The following SMARCC1 variants were observed in gnomAD, a reference collection of about 807,000 sequenced individuals.
SMARCC1 encodes the protein SWI/SNF related BAF chromatin remodeling complex subunit C1, also known as SWI/SNF complex subunit SMARCC1.
In SMARCC1, 43 loss-of-function variants were observed where a neutral mutation model predicts 147.4. The observed-to-expected ratio is 0.29, with a 90% CI of 0.23 to 0.38. The LOEUF (loss-of-function observed/expected upper bound fraction) is 0.38. SMARCC1 is among the 10% of genes least tolerant of loss of function. SMARCC1 has a pLI of 1.00. For synonymous variants in SMARCC1, 495 were observed against 484.4 expected (o/e 1.02, Z -0.29); for missense variants, 1,119 against 1,381.1 (o/e 0.81, Z 3.01).
intron 21 of SMARCC1, among the ~76,000 whole-genome samples, chr3:47,646,173 AAT>A (rs1310938810): frequency 1.3e-5 from 2 of 152,234 alleles, no homozygotes; most frequent in Non-Finnish European, 2.9e-5. Flanking sequence ...TAAATAATTT[AAT>A]AGTTTGTTGT....
intron 21 of SMARCC1, among the ~76,000 whole-genome samples, chr3:47,647,544 A>G (rs2033134206): frequency 6.6e-6 from 1 of 152,204 alleles, no homozygotes; most frequent in Admixed American, 6.5e-5. Flanking sequence ...TGTATAGCAA[A>G]CATCAACAGA....
At chr3:47,724,331 T>C (rs1478769223) in intron 6 of SMARCC1, among the ~76,000 whole-genome samples, 1 of 152,180 alleles carries the variant, frequency 6.6e-6, no homozygotes, top group Non-Finnish European at 1.5e-5. Context: ...TGCTATGACA[T>C]GAATGAACAA....
At chr3:47,780,338 A>C (rs1403395463) in intron 1 of SMARCC1, among the ~76,000 whole-genome samples, 1 of 151,676 alleles carries the variant, frequency 6.6e-6, no homozygotes. Flanking sequence ...CACCCGACTA[A>C]TTTTGTATTT....
intron 3 of SMARCC1, among the ~76,000 whole-genome samples, chr3:47,741,153 C>T (rs922950036): frequency 3.3e-5 from 5 of 151,912 alleles, no homozygotes; most frequent in Admixed American, 1.3e-4. Context: ...TCTAATAAAA[C>T]ATGGACAATC....
At chr3:47,638,414 A>G (rs2106706298) in intron 22 of SMARCC1, among the ~76,000 whole-genome samples, 1 of 152,258 alleles carries the variant, frequency 6.6e-6, no homozygotes, top group East Asian at 1.9e-4. Context: ...TTTTGTATTC[A>G]TAGTCCCAAC....
At chr3:47,598,594 C>A (rs2032336123) in intron 26 of SMARCC1, among the ~76,000 whole-genome samples, 1 of 151,964 alleles carries the variant, frequency 6.6e-6, no homozygotes, top group African/African-American at 2.4e-5. Context: ...CTTTGGGAGG[C>A]TGAGGTGGGT....
rs140035331 is a variant in SMARCC1 at position 47,622,267 on chromosome 3, T to A, written c.2721A>T (p.Leu907=). Residue 907 remains leucine (L), a synonymous_variant, in exon 25 of 28, where the codon CTA becomes CTT. Coordinates refer to ENST00000254480, the MANE Select transcript of SMARCC1 (RefSeq NM_003074.4). ...CTTCAAAATGTCGAAGTTTGATCTC[T>A]AGTTTCTTCATTTGTGTCTCAACCA... The part of the protein sequence containing the change: ...ALLVETQMKK[L]EIKLRHFEEL... 15 of 1,605,916 alleles carry A rather than the reference T, an allele frequency of 9.3e-6. No individual in the cohort carries two copies. The highest frequency in any genetic ancestry group is 1.2e-5 in the Non-Finnish European group (14 of 1,177,778).
chr3:47,604,332 T>C (rs759839252), intron 26 of SMARCC1: 4 of 455,326 alleles, frequency 8.8e-6, no homozygotes, highest in Admixed American at 4.7e-5. Context: ...CTCTCAGCAC[T>C]TCCCCAACCT....
chr3:47,617,784 C>T (rs2032666580), intron 25 of SMARCC1, among the ~76,000 whole-genome samples: 1 of 152,160 alleles, frequency 6.6e-6, no homozygotes, highest in Admixed American at 6.5e-5. Context: ...TGGTTGCCAA[C>T]GATCCTGCTT....
At chr3:47,776,828 A>G (rs2034980503) in intron 1 of SMARCC1, among the ~76,000 whole-genome samples, 1 of 151,892 alleles carries the variant, frequency 6.6e-6, no homozygotes, top group Admixed American at 6.6e-5. Context: ...AGGCTGAAGT[A>G]AAATGGCGCG....
chr3:47,779,005 C>G (rs1230863101), intron 1 of SMARCC1, among the ~76,000 whole-genome samples: 1 of 139,758 alleles, frequency 7.2e-6, no homozygotes, highest in Non-Finnish European at 1.6e-5. Flanking sequence ...AAAGAAAATT[C>G]CTAAATGAAG....
At chr3:47,666,551 G>A (rs1476669403) in intron 19 of SMARCC1, among the ~76,000 whole-genome samples, 1 of 149,856 alleles carries the variant, frequency 6.7e-6, no homozygotes, top group Non-Finnish European at 1.5e-5. Flanking sequence ...ACTTTGCTAT[G>A]GCTCTCAAAT....
chr3:47,673,356 A>T (rs1386588244), intron 18 of SMARCC1, among the ~76,000 whole-genome samples: 38 of 118,920 alleles, frequency 3.2e-4, no homozygotes, highest in African/African-American at 1.2e-3. Context: ...ACCGCACTCC[A>T]GCTTGGGCGA....
chr3:47,752,240 T>A (rs1011454163), intron 2 of SMARCC1, among the ~76,000 whole-genome samples: 1 of 152,124 alleles, frequency 6.6e-6, no homozygotes, highest in Non-Finnish European at 1.5e-5. Context: ...AAAAGCTCAG[T>A]AGCACAATCA....
chr3:47,749,730 A>AAGAGAGAG (rs1373212974), intron 2 of SMARCC1, among the ~76,000 whole-genome samples: 1 of 50,514 alleles, frequency 2.0e-5, no homozygotes, highest in Non-Finnish European at 5.3e-5. Context: ...CACACAGAGA[A>AAGAGAGAG]AGAGACAGAG....
At chr3:47,756,124 A>T (rs1487813031) in intron 2 of SMARCC1, among the ~76,000 whole-genome samples, 2 of 152,030 alleles carry the variant, frequency 1.3e-5, no homozygotes, top group African/African-American at 4.8e-5. Context: ...CAGGGAGCCA[A>T]GATCGCGCCA....
chr3:47,766,579 A>G (rs2034843459), intron 2 of SMARCC1, among the ~76,000 whole-genome samples: 1 of 152,160 alleles, frequency 6.6e-6, no homozygotes. Flanking sequence ...CCCTGTCTCA[A>G]AAAAAGAAAA....
chr3:47,727,649 C>T (rs1342303901), intron 6 of SMARCC1, among the ~76,000 whole-genome samples: 5 of 151,074 alleles, frequency 3.3e-5, no homozygotes, highest in African/African-American at 9.7e-5. Flanking sequence ...GAGTTTTGCT[C>T]TTCTTGCCCG....
chr3:47,588,426 C>T, intron 27 of SMARCC1, 120 bp from the exon 28 acceptor site: 1 of 819,854 alleles, frequency 1.2e-6, no homozygotes, highest in South Asian at 1.6e-5. Flanking sequence ...ACCAATGCAC[C>T]CTGTGAGGCA....
Sources: gnomAD v4.1 joint callset for allele counts (sites outside exome capture counted in the v4.1 genomes callset) on GRCh38, gnomAD v4.1.1 for gene constraint, MANE v1.5 for transcripts, NCBI Gene and HGNC (gene_info 2026-07-23, HGNC 2026-07-21) for gene names.